Variants in SAP130 observed in about 807,000 individuals in gnomAD.
The protein encoded by SAP130 is histone deacetylase complex subunit SAP130.
A neutral mutation model predicts 103.2 loss-of-function variants in SAP130; 16 were observed. The ratio of observed to expected loss-of-function variants is 0.16; its 90% CI spans 0.10 to 0.24. SAP130 has a LOEUF of 0.24. Ranked by LOEUF, SAP130 falls within the 10% of genes least tolerant of loss-of-function variation. The pLI is 1.00. For synonymous variants in SAP130, 477 were observed against 497.0 expected (o/e 0.96, Z 0.53); for missense variants, 990 against 1,359.7 (o/e 0.73, Z 4.28).
intron 7 of SAP130, among the ~76,000 whole-genome samples, chr2:128,001,609 T>C (rs923703476): frequency 2.0e-5 from 3 of 152,218 alleles, no homozygotes; most frequent in Non-Finnish European, 1.5e-5. Context: ...TATTTAGATA[T>C]ACAAATACCA....
intron 5 of SAP130, among the ~76,000 whole-genome samples, chr2:128,014,277 T>G (rs142162853): frequency 2.0e-5 from 3 of 152,172 alleles, no homozygotes; most frequent in African/African-American, 7.2e-5. Flanking sequence ...CAGGCTGGAG[T>G]GCAGCGGCGC....
chr2:127,980,739 T>C (rs1281579311), intron 14 of SAP130, among the ~76,000 whole-genome samples: 1 of 151,874 alleles, frequency 6.6e-6, no homozygotes, highest in African/African-American at 2.4e-5. Context: ...AGCCCGGGAG[T>C]TCGAGACCAG....
Position 127,941,862 on chromosome 2 carries a change from G to T in SAP130, c.*144C>A. ...CTCTGATCCTTTCACGCCCTTGGATGTCATGGGTTCCTCTGCTTTCACACG... is the reference window on the plus strand; with the variant it reads ...CTCTGATCCTTTCACGCCCTTGGATTTCATGGGTTCCTCTGCTTTCACACG... On this transcript the variant is annotated 3_prime_UTR_variant, in exon 21 of 21. Transcript: ENST00000643581. The T allele has an allele frequency of 7.9e-6, 6 of 757,120 alleles. No homozygotes were observed. Among genetic ancestry groups the T allele is most frequent in the Non-Finnish European group, 1.1e-5 (5 of 462,048 alleles). 46.9% of individuals were successfully genotyped at this position (757,120 alleles called of 1,614,324 possible).
chr2:127,973,430 C>G lies in SAP130; in HGVS notation c.2063+4555G>C, dbSNP rs10928792. ...TATTTTTAGTAGAGAGGGGGTTTCT[C>G]CATGTTGGTCAGGCCGATCTCAAAC... On this transcript the variant is annotated intron_variant, in intron 15 of 20. Coordinates refer to ENST00000643581, the MANE Select transcript of SAP130 (RefSeq NM_001330301.2). Among the ~76,000 whole-genome samples the G allele has an allele frequency of 3.9e-3, 593 of 152,280 alleles. 2 individuals carry two copies. The highest frequency in any genetic ancestry group is 0.014 in the African/African-American group (570 of 41,556).
At chr2:127,994,748 A>G (rs899048700) in intron 11 of SAP130, among the ~76,000 whole-genome samples, 3 of 152,188 alleles carry the variant, frequency 2.0e-5, no homozygotes, top group African/African-American at 7.2e-5. Flanking sequence ...ACAGAGCAAG[A>G]TCCTGTCTCA....
rs997948499 is a variant in SAP130 at position 127,944,980 on chromosome 2, G to T, written c.2901+476C>A. Among the ~76,000 whole-genome samples the T allele has an allele frequency of 2.6e-5, 4 of 151,942 alleles. No individual in the cohort carries two copies. In the East Asian group the frequency reaches 7.8e-4, roughly 29 times the overall value. On this transcript the variant is annotated intron_variant, in intron 19 of 20. Coordinates refer to ENST00000643581, the MANE Select transcript of SAP130 (RefSeq NM_001330301.2). ...TCTCTGAATGATGATGTGTGTGACTGGCTTATCTGAGTAACATTGGAAATT... is the reference window on the plus strand; with the variant it reads ...TCTCTGAATGATGATGTGTGTGACTTGCTTATCTGAGTAACATTGGAAATT...
At chr2:127,975,745 A>C (rs1681415417) in intron 15 of SAP130, among the ~76,000 whole-genome samples, 1 of 152,192 alleles carries the variant, frequency 6.6e-6, no homozygotes, top group Non-Finnish European at 1.5e-5. Flanking sequence ...GAAAGATGGT[A>C]CTATAAAGTG....
At chr2:127,956,091 A>G (rs1392339894) in intron 15 of SAP130, among the ~76,000 whole-genome samples, 1 of 151,550 alleles carries the variant, frequency 6.6e-6, no homozygotes, top group Non-Finnish European at 1.5e-5. Context: ...ACTGAGGTTG[A>G]GCTGATTACT....
At chr2:127,975,651 T>C (rs1282361518) in intron 15 of SAP130, among the ~76,000 whole-genome samples, 1 of 152,222 alleles carries the variant, frequency 6.6e-6, no homozygotes, top group East Asian at 1.9e-4. Context: ...AATGAATTAC[T>C]GCTAGTGAAG....
chr2:128,023,994 ATAAG>A lies in SAP130; in HGVS notation c.112+2183_112+2186del, dbSNP rs532708240. Reference sequence around the variant, plus strand: ...CTTGAAAAAAGAAGGAATTAGCCAAATAAGTAAGTATATGGAAAGAAACAAGGAA... The same window carrying A: ...CTTGAAAAAAGAAGGAATTAGCCAAATAAGTATATGGAAAGAAACAAGGAA... On this transcript the variant is annotated intron_variant, in intron 2 of 20. Coordinates refer to ENST00000643581, the MANE Select transcript of SAP130 (RefSeq NM_001330301.2). Among the ~76,000 whole-genome samples the A allele has an allele frequency of 1.9e-3, 293 of 151,584 alleles. 4 individuals are homozygous for A. The highest frequency in any genetic ancestry group is 6.7e-3 in the African/African-American group (276 of 41,492).
At chr2:127,954,875 G>T in intron 16 of SAP130, 111 bp downstream of exon 16, 1 of 779,898 alleles carries the variant, frequency 1.3e-6, no homozygotes. Flanking sequence ...ATCTAAAATG[G>T]GTTATCAGGG....
chr2:127,942,264 A>G lies in SAP130; in HGVS notation c.3016-100T>C. On this transcript the variant is annotated intron_variant, in intron 20 of 20. Coordinates refer to ENST00000643581, the MANE Select transcript of SAP130 (RefSeq NM_001330301.2). This position sits in a 1 kb window ranked among gnomAD's most constrained non-coding sequence, Gnocchi z 4.8. Reference sequence around the variant, plus strand: ...GGGCAGAGGCCATGTTGAGGCTTCCACAACAGAGAAAATGTCTTTTTGTTT... The same window carrying G: ...GGGCAGAGGCCATGTTGAGGCTTCCGCAACAGAGAAAATGTCTTTTTGTTT... 1 of 1,195,072 alleles carries G rather than the reference A, an allele frequency of 8.4e-7. No individual in the cohort carries two copies. The highest frequency in any genetic ancestry group is 1.2e-6 in the Non-Finnish European group (1 of 837,000). 74.0% of individuals were successfully genotyped at this position (1,195,072 alleles called of 1,614,324 possible). A position where few individuals can be genotyped will look rare whatever the true frequency, so the allele number is the denominator to read the frequency against.
chr2:127,966,371 C>T (rs1372641637), intron 15 of SAP130, among the ~76,000 whole-genome samples: 1 of 151,700 alleles, frequency 6.6e-6, no homozygotes, highest in African/African-American at 2.4e-5. Context: ...ATAAAACAAA[C>T]AAACTTCATT....
chr2:127,951,994 T>C lies in SAP130; in HGVS notation c.2423-1586A>G, dbSNP rs532400513. On this transcript the variant is annotated intron_variant, in intron 16 of 20. Coordinates refer to ENST00000643581, the MANE Select transcript of SAP130 (RefSeq NM_001330301.2). Reference sequence around the variant, plus strand: ...TGTCCCTATATTCTCCTTCTCTCCATGCTTTCAGCAAAGGCCAAACTCTTC... The same window carrying C: ...TGTCCCTATATTCTCCTTCTCTCCACGCTTTCAGCAAAGGCCAAACTCTTC... Among the ~76,000 whole-genome samples the C allele has an allele frequency of 2.4e-3, 368 of 152,362 alleles. 1 individual carries two copies. Among genetic ancestry groups the C allele is most frequent in the Middle Eastern group, 0.02 (6 of 294 alleles).
At chr2:127,967,328 C>T (rs1048766385) in intron 15 of SAP130, among the ~76,000 whole-genome samples, 6 of 152,090 alleles carry the variant, frequency 3.9e-5, no homozygotes, top group African/African-American at 7.2e-5. Context: ...GAATAGTGCC[C>T]CATGTGACAG....
chr2:128,002,837 G>C (rs1384284217), intron 7 of SAP130, among the ~76,000 whole-genome samples: 2 of 150,516 alleles, frequency 1.3e-5, no homozygotes, highest in Non-Finnish European at 3.0e-5. Flanking sequence ...AGGAAACTTG[G>C]GCCAGGCCTG....
intron 7 of SAP130, among the ~76,000 whole-genome samples, chr2:128,009,068 G>T (rs1684196198): frequency 6.6e-6 from 1 of 151,966 alleles, no homozygotes; most frequent in African/African-American, 2.4e-5. Flanking sequence ...TAGGTATACA[G>T]GCCAACTAGC....
chr2:127,983,336 T>C (rs912118426), intron 14 of SAP130, among the ~76,000 whole-genome samples: 8 of 152,242 alleles, frequency 5.3e-5, no homozygotes, highest in Non-Finnish European at 1.0e-4. Context: ...AGAAACTTTT[T>C]ATTGTCTGGA....
intron 2 of SAP130, among the ~76,000 whole-genome samples, chr2:128,025,642 T>A (rs1685450349): frequency 6.6e-6 from 1 of 152,200 alleles, no homozygotes; most frequent in South Asian, 2.1e-4. Context: ...TAGGAGGTAT[T>A]ACAAGTAATC....
Sources: gnomAD v4.1 joint callset for allele counts (sites outside exome capture counted in the v4.1 genomes callset) on GRCh38, gnomAD v4.1.1 for gene constraint, Gnocchi (gnomAD v3.1) non-coding constraint, MANE v1.5 for transcripts, NCBI Gene and HGNC (gene_info 2026-07-23, HGNC 2026-07-21) for gene names.